CHCHD6: variants seen among roughly 807,000 people sequenced by gnomAD.
CHCHD6 encodes the protein MICOS complex subunit MIC25.
Under a neutral mutation model 32.3 loss-of-function variants are expected in CHCHD6, and 28 were observed. The observed-to-expected ratio is 0.87, with a 90% CI of 0.64 to 1.19. The LOEUF is 1.19. Among genes scored for constraint, CHCHD6 ranks in the 50% most tolerant of loss-of-function variants. The pLI, the probability that CHCHD6 is intolerant of heterozygous loss-of-function variation, is 0.00. For synonymous variants in CHCHD6, 122 were observed against 117.5 expected, an observed-to-expected ratio of 1.04 and a Z score of -0.25; for missense variants, 333 against 307.0, an observed-to-expected ratio of 1.08 and a Z score of -0.63.
At chr3:126,735,752 A>G (rs1936016530) in intron 4 of CHCHD6, among the ~76,000 whole-genome samples, 1 of 152,180 alleles carries the variant, frequency 6.6e-6, no homozygotes, top group South Asian at 2.1e-4. Flanking sequence ...CTACACTTTC[A>G]GGGTACCATT....
chr3:126,772,663 T>A (rs1303282099), intron 4 of CHCHD6, among the ~76,000 whole-genome samples: 1 of 152,334 alleles, frequency 6.6e-6, no homozygotes, highest in East Asian at 1.9e-4. Flanking sequence ...GAAGACAGCA[T>A]ACCATTGGGT....
intron 4 of CHCHD6, among the ~76,000 whole-genome samples, chr3:126,802,261 A>T (rs1170411777): frequency 6.6e-6 from 1 of 152,168 alleles, no homozygotes; most frequent in Non-Finnish European, 1.5e-5. Flanking sequence ...CGATCAAACT[A>T]CTGTGAGCTA....
At chr3:126,859,178 A>C (rs750413789) in intron 5 of CHCHD6, among the ~76,000 whole-genome samples, 6 of 152,086 alleles carry the variant, frequency 3.9e-5, no homozygotes, top group Non-Finnish European at 8.8e-5. Flanking sequence ...GGAAACAGTG[A>C]CGCAGCGGGG....
chr3:126,798,359 T>TTC (rs1297473680), intron 4 of CHCHD6, among the ~76,000 whole-genome samples: 3 of 152,192 alleles, frequency 2.0e-5, no homozygotes, highest in African/African-American at 7.2e-5. Flanking sequence ...AACCTCACTG[T>TTC]TCTTCAAACA....
At chr3:126,761,308 T>C (rs1937154408) in intron 4 of CHCHD6, among the ~76,000 whole-genome samples, 1 of 152,232 alleles carries the variant, frequency 6.6e-6, no homozygotes, top group Non-Finnish European at 1.5e-5. Flanking sequence ...TCTTTGTCTC[T>C]GTCTCCATCT....
intron 1 of CHCHD6, among the ~76,000 whole-genome samples, chr3:126,704,789 C>G (rs187410219): frequency 6.6e-6 from 1 of 152,178 alleles, no homozygotes; most frequent in Non-Finnish European, 1.5e-5. Flanking sequence ...TGGGCTTTGC[C>G]TGGGGACTCA....
intron 3 of CHCHD6, 130 bp from the exon 4 acceptor site, chr3:126,732,948 T>C: frequency 9.9e-7 from 1 of 1,012,960 alleles, no homozygotes; most frequent in Non-Finnish European, 1.5e-6. Context: ...CACTCTCTCC[T>C]TTCCTGACCA....
chr3:126,844,520 G>GCTACA (rs1941220768), intron 4 of CHCHD6, among the ~76,000 whole-genome samples: 1 of 151,972 alleles, frequency 6.6e-6, no homozygotes, highest in African/African-American at 2.4e-5. Flanking sequence ...TATTAATATA[G>GCTACA]CTACACCAGC....
intron 4 of CHCHD6, among the ~76,000 whole-genome samples, chr3:126,818,727 G>C (rs1316775664): frequency 6.6e-6 from 1 of 152,146 alleles, no homozygotes; most frequent in Non-Finnish European, 1.5e-5. Context: ...TCTCAGCAGG[G>C]GATCATCAAA....
chr3:126,751,535 T>C (rs1454047023), intron 4 of CHCHD6, among the ~76,000 whole-genome samples: 1 of 150,134 alleles, frequency 6.7e-6, no homozygotes, highest in Non-Finnish European at 1.5e-5. Context: ...GCGCCTGCAT[T>C]GCCCTAACTT....
chr3:126,771,209 CT>C (rs58996472), intron 4 of CHCHD6, among the ~76,000 whole-genome samples: 186 of 138,800 alleles, frequency 1.3e-3, no homozygotes, highest in Middle Eastern at 3.6e-3. Context: ...TTTTCCTTTT[CT>C]TTTTTTTTTT....
intron 5 of CHCHD6, among the ~76,000 whole-genome samples, chr3:126,893,866 G>A (rs1468430967): frequency 6.6e-6 from 1 of 152,226 alleles, no homozygotes; most frequent in African/African-American, 2.4e-5. Flanking sequence ...AGCTCCTGGG[G>A]GATGTGCATT....
At chr3:126,853,164 G>T (rs965575020) in intron 5 of CHCHD6, among the ~76,000 whole-genome samples, 3 of 150,118 alleles carry the variant, frequency 2.0e-5, no homozygotes, top group Admixed American at 1.3e-4. Flanking sequence ...GAGTCGGGAA[G>T]ATCAAAGTGC....
chr3:126,797,077 G>T (rs1382875729), intron 4 of CHCHD6, among the ~76,000 whole-genome samples: 2 of 152,182 alleles, frequency 1.3e-5, no homozygotes, highest in African/African-American at 4.8e-5. Context: ...ACCCCTGGAG[G>T]TGGAAGAGTG....
intron 5 of CHCHD6, among the ~76,000 whole-genome samples, chr3:126,857,660 T>A (rs75759997): frequency 0.034 from 5,116 of 152,168 alleles, 291 homozygotes; most frequent in African/African-American, 0.12. Context: ...AATATAGGAT[T>A]TCCACTTCAC....
intron 4 of CHCHD6, among the ~76,000 whole-genome samples, chr3:126,751,087 A>G (rs958017162): frequency 6.6e-6 from 1 of 151,816 alleles, no homozygotes; most frequent in African/African-American, 2.4e-5. Context: ...GGTAGGGCTG[A>G]AAAGGAATGT....
chr3:126,720,727 C>T (rs374425382), intron 1 of CHCHD6, among the ~76,000 whole-genome samples: 21 of 152,278 alleles, frequency 1.4e-4, no homozygotes, highest in East Asian at 1.2e-3. Flanking sequence ...GTGCTGGCTC[C>T]GTGTCCCCAC....
At chr3:126,891,863 G>A (rs1365485379) in intron 5 of CHCHD6, among the ~76,000 whole-genome samples, 1 of 152,130 alleles carries the variant, frequency 6.6e-6, no homozygotes, top group Non-Finnish European at 1.5e-5. Context: ...CAAGGGGCAT[G>A]TGAGTTGGAG....
At chr3:126,779,255 T>C (rs1034990367) in intron 4 of CHCHD6, among the ~76,000 whole-genome samples, 4 of 152,192 alleles carry the variant, frequency 2.6e-5, no homozygotes, top group Admixed American at 2.6e-4. Context: ...TTTGTAGTTT[T>C]AGGCCGGGTG....
Sources: allele counts gnomAD v4.1 joint callset (sites outside exome capture counted in the v4.1 genomes callset), GRCh38; gene constraint gnomAD v4.1.1; transcripts MANE v1.5; gene names NCBI Gene and HGNC (gene_info 2026-07-23, HGNC 2026-07-21).